The following XXYLT1 variants were observed in gnomAD, a reference collection of about 807,000 sequenced individuals.
XXYLT1 encodes the protein xyloside xylosyltransferase 1.
A neutral mutation model predicts 28.9 loss-of-function variants in XXYLT1; 20 were observed. The observed-to-expected ratio is 0.69, with a 90% CI of 0.49 to 1.00. The LOEUF (loss-of-function observed/expected upper bound fraction) is 1.00, where lower values mean the gene tolerates loss of function less well. Ranked by LOEUF, XXYLT1 falls within the 50% of genes least tolerant of loss-of-function variation. The pLI is 0.00. For missense variants in XXYLT1, 542 were observed against 560.1 expected (o/e 0.97, Z 0.33); for synonymous variants, 257 against 253.8 (o/e 1.01, Z -0.12).
intron 2 of XXYLT1, chr3:195,214,800 C>G (rs868398146): frequency 2.6e-5 from 4 of 152,196 alleles, no homozygotes; most frequent in Admixed American, 6.5e-5. Flanking sequence ...CTCGCTTCGG[C>G]AGCACATATA....
chr3:195,102,749 C>T (rs1247890339), intron 3 of XXYLT1, among the ~76,000 whole-genome samples: 1 of 152,190 alleles, frequency 6.6e-6, no homozygotes, highest in Non-Finnish European at 1.5e-5. Flanking sequence ...ATCTTGGCTA[C>T]TGTGAATAAC....
Position 195,181,257 on chromosome 3 carries a change from G to GCGTGGC in XXYLT1, c.653-24677_653-24676insGCCACG, listed in dbSNP as rs1452978172. Among the ~76,000 whole-genome samples, 161 of 119,224 alleles carry GCGTGGC rather than the reference G, an allele frequency of 1.4e-3. 1 individual carries two copies. Among genetic ancestry groups the GCGTGGC allele is most frequent in the African/African-American group, 6.2e-3 (153 of 24,552 alleles). 78.2% of individuals were successfully genotyped at this position (119,224 alleles called of 152,430 possible). On this transcript the variant is annotated intron_variant, in intron 2 of 3. Transcript: ENST00000310380. ...GACAATCTCCCTTTTCACACTGGCT[G>GCGTGGC]TGTATCTGCGTGGCTGCGTGGCTGC...
At chr3:195,166,990 C>T (rs1210880602) in intron 2 of XXYLT1, among the ~76,000 whole-genome samples, 1 of 152,152 alleles carries the variant, frequency 6.6e-6, no homozygotes, top group African/African-American at 2.4e-5. Flanking sequence ...GGCCAATTAT[C>T]TAGTAAAAGT....
chr3:195,123,799 G>A (rs1482378379), intron 3 of XXYLT1, among the ~76,000 whole-genome samples: 3 of 152,182 alleles, frequency 2.0e-5, no homozygotes, highest in African/African-American at 7.2e-5. Context: ...ATGCTACAGG[G>A]TCTGGGCCAC....
At chr3:195,193,482 T>A (rs1577130512) in intron 2 of XXYLT1, among the ~76,000 whole-genome samples, 1 of 152,214 alleles carries the variant, frequency 6.6e-6, no homozygotes, top group Non-Finnish European at 1.5e-5. Flanking sequence ...CCTCCCAGAC[T>A]GATATGTAAA....
chr3:195,249,462 T>C (rs2108837885), intron 1 of XXYLT1, among the ~76,000 whole-genome samples: 1 of 152,274 alleles, frequency 6.6e-6, no homozygotes, highest in East Asian at 1.9e-4. Context: ...CTGCTCTTCA[T>C]GGGATCACAA....
rs1489174682 is a variant in XXYLT1, at chr3:195,209,580, G to C, written c.652+17129C>G. 6.6e-6 allele frequency: 1 copy of C among 152,646 alleles called. No individual in the cohort carries two copies. The highest frequency in any genetic ancestry group is 2.4e-5 in the African/African-American group (1 of 41,600). 9.5% of individuals were successfully genotyped at this position (152,646 alleles called of 1,614,324 possible). On this transcript the variant is annotated intron_variant, in intron 2 of 3. Coordinates refer to ENST00000310380, the MANE Select transcript of XXYLT1 (RefSeq NM_152531.5). The surrounding 1 kb of genome is among the most constrained non-coding windows in gnomAD (Gnocchi z 5.0). ...ACAGGCAGAGCCGGTGACAGGGCTC[G>C]GGCGAGGCCTTCAAGCCAGAACGGA...
chr3:195,112,596 C>G, intron 3 of XXYLT1, among the ~76,000 whole-genome samples: 1 of 142,044 alleles, frequency 7.0e-6, no homozygotes, highest in African/African-American at 2.5e-5. Flanking sequence ...CACACACACA[C>G]GCATGCACAC....
At chr3:195,080,784 C>T (rs897252899) in intron 3 of XXYLT1, among the ~76,000 whole-genome samples, 5 of 152,164 alleles carry the variant, frequency 3.3e-5, no homozygotes, top group Admixed American at 3.3e-4. Flanking sequence ...TCCATCAATC[C>T]GCACCAGCGC....
intron 2 of XXYLT1, among the ~76,000 whole-genome samples, chr3:195,169,080 G>T (rs1240163337): frequency 6.6e-6 from 1 of 152,212 alleles, no homozygotes; most frequent in East Asian, 1.9e-4. Flanking sequence ...GGGGTCTTTT[G>T]GGCGAATGCA....
At chr3:195,105,405 A>G (rs1193321011) in intron 3 of XXYLT1, among the ~76,000 whole-genome samples, 1 of 152,238 alleles carries the variant, frequency 6.6e-6, no homozygotes, top group Non-Finnish European at 1.5e-5. Flanking sequence ...TCCCCAGGAT[A>G]TTCACCAAAG....
At chr3:195,104,847 A>AT (rs1385232465) in intron 3 of XXYLT1, among the ~76,000 whole-genome samples, 23 of 152,240 alleles carry the variant, frequency 1.5e-4, no homozygotes, top group Non-Finnish European at 2.5e-4. Context: ...GGTCTGTGGA[A>AT]TATCAGTTTG....
rs180752839 is a variant in XXYLT1, at chr3:195,243,493, G to A, written c.505-16637C>T. On this transcript the variant is annotated intron_variant, in intron 1 of 3. Coordinates refer to ENST00000310380, the MANE Select transcript of XXYLT1 (RefSeq NM_152531.5). ...TTACTACTTCAGAATAGCCATGCCC[G>A]AATCTAAAATTTATGTCTGAAATTA... Among the ~76,000 whole-genome samples the A allele has an allele frequency of 1.1e-4, 17 of 151,480 alleles. No homozygotes were observed. In the East Asian group the frequency reaches 2.0e-3, roughly 17 times the overall value.
intron 3 of XXYLT1, among the ~76,000 whole-genome samples, chr3:195,139,009 T>C (rs1719345737): frequency 6.6e-6 from 1 of 150,910 alleles, no homozygotes; most frequent in Admixed American, 6.6e-5. Context: ...CAGCCAGGGG[T>C]TCAGTGCAGC....
At position 195,211,784 on chromosome 3, in the gene XXYLT1, G is replaced by A. The variant is rs561638778; in HGVS notation, c.652+14925C>T. ...GCCAGGGATGGCCTCATTGCACAAA[G>A]ATCTGGAGGAGGAGAGGGGGCAAGC... On this transcript the variant is annotated intron_variant, in intron 2 of 3. Coordinates refer to ENST00000310380, the MANE Select transcript of XXYLT1 (RefSeq NM_152531.5). Among the ~76,000 whole-genome samples, 12 of 152,124 alleles carry A rather than the reference G, an allele frequency of 7.9e-5. No individual in the cohort carries two copies. In the East Asian group the frequency reaches 2.3e-3, roughly 29 times the overall value.
intron 3 of XXYLT1, among the ~76,000 whole-genome samples, chr3:195,083,227 C>A (rs1278533712): frequency 6.6e-6 from 1 of 152,104 alleles, no homozygotes; most frequent in Non-Finnish European, 1.5e-5. Context: ...AGTCTCTAAC[C>A]AGATGCACCC....
intron 1 of XXYLT1, among the ~76,000 whole-genome samples, chr3:195,249,401 G>A (rs1426391761): frequency 1.3e-5 from 2 of 152,174 alleles, no homozygotes; most frequent in Admixed American, 1.3e-4. Flanking sequence ...CAATGGCCAC[G>A]CGGCTCACAC....
rs374676960 is a variant in XXYLT1 at position 195,069,812 on chromosome 3, T to G, written c.1085A>C (p.Asp362Ala). ...CTCGAAGACGTCACTGTAGCCATGG[T>G]CCCTCCACCAGGTGCACAGCTGCCG... The part of the protein sequence containing the change: ...WNRQLCTWWR[D>A]HGYSDVFEAY... Residue 362 changes from aspartate (D) to alanine (A), a missense_variant, in exon 4 of 4, where the codon GAC becomes GCC. Asp to Ala is a moderately radical substitution (Grantham distance 126). Transcript: ENST00000310380. The G allele has an allele frequency of 9.3e-6, 15 of 1,613,956 alleles. No individual in the cohort carries two copies. The African/African-American group carries it at 2.0e-4, about 22-fold the overall frequency.
intron 3 of XXYLT1, among the ~76,000 whole-genome samples, chr3:195,097,339 T>TA (rs111541864): frequency 0.51 from 77,266 of 151,592 alleles, 21,065 homozygotes; most frequent in East Asian, 0.96. Flanking sequence ...TCATCCTCAC[T>TA]AAACTTTGTG....
Sources: gnomAD v4.1 joint callset for allele counts (sites outside exome capture counted in the v4.1 genomes callset) on GRCh38, gnomAD v4.1.1 for gene constraint, Gnocchi (gnomAD v3.1) non-coding constraint, MANE v1.5 for transcripts, NCBI Gene and HGNC (gene_info 2026-07-23, HGNC 2026-07-21) for gene names.